The following MMP8 variants were observed in gnomAD, a reference collection of about 807,000 sequenced individuals.
MMP8 encodes neutrophil collagenase.
MMP8 carries 67 observed loss-of-function variants against 51.2 expected under a neutral mutation model. The ratio of observed to expected loss-of-function variants is 1.31; its 90% CI spans 1.08 to 1.60. The LOEUF (loss-of-function observed/expected upper bound fraction) is 1.60, where lower values mean the gene tolerates loss of function less well. Ranked by LOEUF, MMP8 falls within the 40% of genes most tolerant of loss-of-function variation. MMP8 has a pLI of 0.00. For missense variants in MMP8, 654 were observed against 558.1 expected, an observed-to-expected ratio of 1.17 and a Z score of -1.73; for synonymous variants, 225 against 191.0, an observed-to-expected ratio of 1.18 and a Z score of -1.47.
At position 102,721,516 on chromosome 11, in the gene MMP8, G is replaced by A. The variant is rs758944216; in HGVS notation, c.507C>T (p.Asp169=). 1 of 1,613,696 alleles carries A rather than the reference G, an allele frequency of 6.2e-7. No individual in the cohort carries two copies. Among genetic ancestry groups the A allele is most frequent in the African/African-American group, 1.3e-5 (1 of 74,886 alleles). ...NIAFYQRDHG[D]NSPFDGPNGI... is the part of the protein sequence containing the mutation. ...CATTGGGTCCATCAAATGGAGAATT[G>A]TCACCGTGATCTGAAATAAGAACAT... The change falls in exon 4 of 10, where the codon GAC becomes GAT. Residue 169 remains aspartate (D), a synonymous_variant. Coordinates refer to ENST00000236826, the MANE Select transcript of MMP8 (RefSeq NM_002424.3).
Position 102,722,937 on chromosome 11 carries a change from T to G in MMP8, c.103-264A>C, listed in dbSNP as rs34171545. The G allele has an allele frequency of 4.8e-3, 5,737 of 1,202,530 alleles. 25 individuals are homozygous for G. The highest frequency in any genetic ancestry group is 5.6e-3 in the Non-Finnish European group (4,941 of 884,824). The allele number at this position is 1,202,530 out of a possible 1,614,324, so 74.5% of individuals were successfully genotyped here. On this transcript the variant is annotated intron_variant, in intron 1 of 9. Transcript: ENST00000236826. The stretch of plus-strand genomic sequence containing the variant: ...GGATCACATCACACAGGCAAAGTGC[T>G]ACTCTACAGTCAGGAGACTGTCTTC...
intron 4 of MMP8, 84 bp downstream of exon 4, chr11:102,721,317 A>AG: frequency 1.9e-6 from 2 of 1,056,312 alleles, no homozygotes; most frequent in Non-Finnish European, 2.4e-6. Flanking sequence ...TGTTACCTTT[A>AG]TTGTGTGTGT....
intron 9 of MMP8, 109 bp from the exon 10 acceptor site, chr11:102,713,566 C>A: frequency 9.2e-7 from 1 of 1,086,908 alleles, no homozygotes; most frequent in Non-Finnish European, 1.3e-6. Context: ...TGCAAACATG[C>A]TATTTAAAAA....
In MMP8 at chr11:102,712,627, CT is replaced by C. The variant is rs1424100606; in HGVS notation, c.*720del. 2 of 152,266 alleles carry C rather than the reference CT, an allele frequency of 1.3e-5. No individual in the cohort carries two copies. The highest frequency in any genetic ancestry group is 1.3e-4 in the Admixed American group (2 of 15,274). 9.4% of individuals were successfully genotyped at this position (152,266 alleles called of 1,614,324 possible). ...GCTTGGAGATGCGTCACTCCAATCT[CT>C]GCCTCTGTCTTCATACGGCCTCCTC... On this transcript the variant is annotated 3_prime_UTR_variant, in exon 10 of 10. Transcript: ENST00000236826.
intron 7 of MMP8, 106 bp downstream of exon 7, chr11:102,715,198 C>G (rs138294870): frequency 7.2e-7 from 1 of 1,389,272 alleles, no homozygotes; most frequent in African/African-American, 1.5e-5. Flanking sequence ...GCCTGGCCAG[C>G]TTAATGCTGT....
In MMP8 at chr11:102,722,821, G is replaced by A. The variant is rs924511896; in HGVS notation, c.103-148C>T. 3.8e-6 allele frequency: 5 copies of A among 1,301,810 alleles called. No individual in the cohort carries two copies. In the Admixed American group the frequency reaches 1.1e-4, roughly 27 times the overall value. 80.6% of individuals were successfully genotyped at this position (1,301,810 alleles called of 1,614,324 possible). A position where few individuals can be genotyped will look rare whatever the true frequency, so the allele number is the denominator to read the frequency against. On this transcript the variant is annotated intron_variant, in intron 1 of 9. Transcript: ENST00000236826. ...ACAAATTAATTTGTAGGTTGGCTTT[G>A]AGAGAACAACTCTTTTTAGAAAGAA...
At chr11:102,713,962 T>C (rs988621351) in intron 8 of MMP8, 105 bp from the exon 9 acceptor site, 1 of 673,956 alleles carries the variant, frequency 1.5e-6, no homozygotes, top group Non-Finnish European at 2.4e-6. Context: ...ACATATTTTT[T>C]CATTCAGTTC....
chr11:102,721,760 A>G lies in MMP8; in HGVS notation c.350T>C (p.Ile117Thr), dbSNP rs1861480589. 1 of 1,613,436 alleles carries G rather than the reference A, an allele frequency of 6.2e-7. No homozygotes were observed. Among genetic ancestry groups the G allele is most frequent in the Non-Finnish European group, 8.5e-7 (1 of 1,179,632 alleles). Reference sequence around the variant, plus strand: ...TGACAGCTGTGGGGTATAGTTTCGAATCCTTCAAAATGAGAGGATGTATGA... The same window carrying G: ...TGACAGCTGTGGGGTATAGTTTCGAGTCCTTCAAAATGAGAGGATGTATGA... ...KWERTNLTYR[I>T]RNYTPQLSEA... The change falls in exon 3 of 10, where the codon ATT becomes ACT. Residue 117 changes from isoleucine to threonine, a missense_variant and splice_region_variant. Transcript: ENST00000236826.
In MMP8 at chr11:102,713,248, A is replaced by G; in HGVS notation, c.*100T>C. On this transcript the variant is annotated 3_prime_UTR_variant, in exon 10 of 10. Transcript: ENST00000236826. Reference sequence around the variant, plus strand: ...ATACAGTGATGGGAAACAATGACTTAATATTGAGAAAAGTATAAGCAGGAC... The same window carrying G: ...ATACAGTGATGGGAAACAATGACTTGATATTGAGAAAAGTATAAGCAGGAC... 1.3e-6 allele frequency: 1 copy of G among 769,742 alleles called. No individual in the cohort carries two copies. The highest frequency in any genetic ancestry group is 2.0e-5 in the Admixed American group (1 of 49,274). The allele number at this position is 769,742 out of a possible 1,614,324, so 47.7% of individuals were successfully genotyped here. A position where few individuals can be genotyped will look rare whatever the true frequency, so the allele number is the denominator to read the frequency against.
At chr11:102,721,196 T>C (rs376481595) in intron 4 of MMP8, among the ~76,000 whole-genome samples, 4 of 152,206 alleles carry the variant, frequency 2.6e-5, no homozygotes, top group African/African-American at 9.7e-5. Flanking sequence ...AGGTCAGTAA[T>C]CAGATTCAGC....
At chr11:102,722,370 T>C in intron 2 of MMP8, 59 bp downstream of exon 2, 1 of 1,563,650 alleles carries the variant, frequency 6.4e-7, no homozygotes, top group Non-Finnish European at 8.7e-7. Flanking sequence ...GTGTCTGTCA[T>C]ATAAGAGCCC....
At chr11:102,715,202 A>G (rs1861253003) in intron 7 of MMP8, 102 bp downstream of exon 7, 5 of 1,408,060 alleles carry the variant, frequency 3.6e-6, no homozygotes, top group Non-Finnish European at 3.8e-6. Context: ...GGCCAGCTTA[A>G]TGCTGTCATT....
intron 1 of MMP8, chr11:102,723,904 C>T: frequency 3.1e-6 from 1 of 319,608 alleles, no homozygotes. Context: ...TAACTGTGAG[C>T]ACTTGGCCAC....
In MMP8 at chr11:102,722,490, T is replaced by G; in HGVS notation, c.286A>C (p.Ser96Arg). ...CCTGGGGTTAACATAAAACCACCAC[T>G]GTCAGGCACTCCACAGCGAGGCTTT... ...MKKPRCGVPD[S>R]GGFMLTPGNP... The change falls in exon 2 of 10, where the codon AGT becomes CGT. Residue 96 changes from serine to arginine, a missense_variant. Physicochemically the swap from Ser to Arg is moderately radical, Grantham distance 110. Transcript: ENST00000236826. 6.2e-7 allele frequency: 1 copy of G among 1,613,938 alleles called. No homozygotes were observed. Among genetic ancestry groups the G allele is most frequent in the Non-Finnish European group, 8.5e-7 (1 of 1,179,840 alleles).
At chr11:102,716,235 A>T in intron 6 of MMP8, 67 bp downstream of exon 6, 1 of 1,160,440 alleles carries the variant, frequency 8.6e-7, no homozygotes, top group Non-Finnish European at 1.2e-6. Context: ...CGTGTGACTT[A>T]ATTTGAATCC....
chr11:102,722,838 T>C (rs1335609322), intron 1 of MMP8, among the ~76,000 whole-genome samples, 165 bp from the exon 2 acceptor site: 1 of 152,184 alleles, frequency 6.6e-6, no homozygotes, highest in Non-Finnish European at 1.5e-5. Flanking sequence ...CAACTCTTTT[T>C]AGAAAGAACA....
In MMP8 at chr11:102,713,315, C is replaced by T. The variant is rs771677919; in HGVS notation, c.*33G>A. The T allele has an allele frequency of 1.6e-5, 24 of 1,462,200 alleles. No individual in the cohort carries two copies. Among genetic ancestry groups the T allele is most frequent in the Non-Finnish European group, 2.3e-5 (24 of 1,042,996 alleles). 90.6% of individuals were successfully genotyped at this position (1,462,200 alleles called of 1,614,324 possible). A position where few individuals can be genotyped will look rare whatever the true frequency, so the allele number is the denominator to read the frequency against. Reference sequence around the variant, plus strand: ...GCTTGCTGAACTTCCCTTCAACATTCTGAAAGTGGATACAGCCACATTTGA... The same window carrying T: ...GCTTGCTGAACTTCCCTTCAACATTTTGAAAGTGGATACAGCCACATTTGA... On this transcript the variant is annotated 3_prime_UTR_variant, in exon 10 of 10. Coordinates refer to ENST00000236826, the MANE Select transcript of MMP8 (RefSeq NM_002424.3).
chr11:102,712,151 C>T lies in MMP8; in HGVS notation c.*1197G>A, dbSNP rs1861141644. On this transcript the variant is annotated 3_prime_UTR_variant, in exon 10 of 10. Coordinates refer to ENST00000236826, the MANE Select transcript of MMP8 (RefSeq NM_002424.3). ...GAGACATTGAATTTTATGCAGCTAA[C>T]CCAAGTTATCTATAGTGTGTGCCCT... The T allele has an allele frequency of 6.6e-6, 1 of 152,128 alleles. No homozygotes were observed. The highest frequency in any genetic ancestry group is 1.5e-5 in the Non-Finnish European group (1 of 68,038). 9.4% of individuals were successfully genotyped at this position (152,128 alleles called of 1,614,324 possible). A position where few individuals can be genotyped will look rare whatever the true frequency, so the allele number is the denominator to read the frequency against.
Position 102,722,421 on chromosome 11 carries a change from GATATC to G in MMP8, c.347+3_347+7del. On this transcript the variant is annotated splice_donor_5th_base_variant and intron_variant, in intron 2 of 9. Coordinates refer to ENST00000236826, the MANE Select transcript of MMP8 (RefSeq NM_002424.3). ...AATGAGTGTATCCTGAAACCCTAGA[GATATC>G]ACCTGTAGGTCAAGTTAGTGCGTTC... The G allele has an allele frequency of 6.2e-7, 1 of 1,613,358 alleles. No individual in the cohort carries two copies. The highest frequency in any genetic ancestry group is 1.7e-5 in the Admixed American group (1 of 59,882).
Sources: allele counts gnomAD v4.1 joint callset (sites outside exome capture counted in the v4.1 genomes callset), GRCh38; gene constraint gnomAD v4.1.1; transcripts MANE v1.5; gene names NCBI Gene and HGNC (gene_info 2026-07-23, HGNC 2026-07-21).